Variants in TADA3 observed in about 807,000 individuals in gnomAD.
The protein encoded by TADA3 is transcriptional adaptor 3.
A neutral mutation model predicts 43.2 loss-of-function variants in TADA3; 25 were observed. The observed-to-expected ratio is 0.58, with a 90% CI of 0.42 to 0.81. The LOEUF (loss-of-function observed/expected upper bound fraction) is 0.81. Ranked by LOEUF, TADA3 falls within the 30% of genes least tolerant of loss-of-function variation. The pLI is 0.00. For missense variants in TADA3, 441 were observed against 567.8 expected, an observed-to-expected ratio of 0.78 and a Z score of 2.27; for synonymous variants, 235 against 225.5, an observed-to-expected ratio of 1.04 and a Z score of -0.38.
At chr3:9,786,923 T>A in intron 6 of TADA3, 83 bp downstream of exon 6, 8 of 1,297,732 alleles carry the variant, frequency 6.2e-6, no homozygotes, top group Non-Finnish European at 8.7e-6. Flanking sequence ...CTAATAAATG[T>A]ATGATAAATT....
At position 9,791,470 on chromosome 3, in the gene TADA3, C is replaced by T; in HGVS notation, c.-4G>A. On this transcript the variant is annotated 5_prime_UTR_variant, in exon 2 of 9. Transcript: ENST00000301964. Reference sequence around the variant, plus strand: ...GGCAGTCTTTCAACTCACTCATGGCCCAGGATATGGGGATCCTGTGGAGCT... The same window carrying T: ...GGCAGTCTTTCAACTCACTCATGGCTCAGGATATGGGGATCCTGTGGAGCT... 6.2e-7 allele frequency: 1 copy of T among 1,605,138 alleles called. No homozygotes were observed. The highest frequency in any genetic ancestry group is 8.5e-7 in the Non-Finnish European group (1 of 1,173,928).
upstream of TADA3, chr3:9,792,838 C>A: frequency 7.4e-7 from 1 of 1,358,828 alleles, no homozygotes; most frequent in Non-Finnish European, 9.4e-7. Flanking sequence ...GAGGCTGTGG[C>A]AAAGGTGACA....
chr3:9,781,623 C>A (rs1243354973), intron 8 of TADA3: 3 of 454,986 alleles, frequency 6.6e-6, no homozygotes, highest in East Asian at 7.0e-5. Context: ...CCAGATCAAT[C>A]TCTCTGAACA....
At chr3:9,788,144 A>C (rs1489159542) in intron 4 of TADA3, 1 of 164,432 alleles carries the variant, frequency 6.1e-6, no homozygotes, top group Non-Finnish European at 1.3e-5. Flanking sequence ...TGATCATGAC[A>C]GCTCACCTAT....
At chr3:9,782,419 A>T (rs778463212) in intron 8 of TADA3, among the ~76,000 whole-genome samples, 19 of 152,170 alleles carry the variant, frequency 1.2e-4, no homozygotes, top group Non-Finnish European at 2.6e-4. Context: ...TGTTGTCAAG[A>T]CACTTGAGAG....
intron 7 of TADA3, 95 bp downstream of exon 7, chr3:9,785,221 A>G (rs2078579155): frequency 2.1e-6 from 2 of 932,196 alleles, no homozygotes; most frequent in Non-Finnish European, 1.7e-6. Context: ...AACTGCCCCC[A>G]GCCTCTTACT....
chr3:9,785,091 C>T (rs1390398419), intron 7 of TADA3, among the ~76,000 whole-genome samples: 5 of 152,176 alleles, frequency 3.3e-5, no homozygotes, highest in African/African-American at 1.2e-4. Context: ...TCCCCTTCAG[C>T]AGGACATTTG....
chr3:9,788,801 A>AAGT (rs1307958221), intron 4 of TADA3, among the ~76,000 whole-genome samples: 1 of 151,434 alleles, frequency 6.6e-6, no homozygotes, highest in Non-Finnish European at 1.5e-5. Flanking sequence ...CAGCCTCCCA[A>AAGT]AGTGTTGGGA....
chr3:9,791,473 G>A lies in TADA3; in HGVS notation c.-7C>T, dbSNP rs750745928. The stretch of plus-strand genomic sequence containing the variant: ...AGTCTTTCAACTCACTCATGGCCCA[G>A]GATATGGGGATCCTGTGGAGCTGGA... On this transcript the variant is annotated 5_prime_UTR_variant, in exon 2 of 9. Coordinates refer to ENST00000301964, the MANE Select transcript of TADA3 (RefSeq NM_006354.5). The A allele has an allele frequency of 3.1e-5, 50 of 1,598,972 alleles. No individual in the cohort carries two copies. The East Asian group carries it at 1.1e-3, about 34-fold the overall frequency.
chr3:9,790,272 G>A (rs963547387), intron 2 of TADA3, among the ~76,000 whole-genome samples: 9 of 152,244 alleles, frequency 5.9e-5, no homozygotes, highest in African/African-American at 1.9e-4. Flanking sequence ...CCTTCACTTC[G>A]ATGTCACCAC....
At chr3:9,792,725 G>A, upstream of TADA3, 3 of 1,236,026 alleles carry the variant, frequency 2.4e-6, no homozygotes, top group Non-Finnish European at 3.0e-6. Context: ...GCGAGAGAAA[G>A]GATGGGGGTA....
At position 9,780,403 on chromosome 3, in the gene TADA3, T is replaced by C. The variant is rs2078431188; in HGVS notation, c.1253A>G (p.Lys418Arg). 1 of 1,613,484 alleles carries C rather than the reference T, an allele frequency of 6.2e-7. No individual in the cohort carries two copies. Among genetic ancestry groups the C allele is most frequent in the Non-Finnish European group, 8.5e-7 (1 of 1,180,010 alleles). ...PTKKEKDQAW[K>R]TLKERESILK... ...GATGCTCTCACGCTCCTTCAGAGTC[T>C]TCCAGGCCTGGTCCTTTTCTTTCTT... Residue 418 changes from lysine (K) to arginine (R), a missense_variant, in exon 9 of 9, where the codon AAG becomes AGG. By Grantham distance (26) the Lys-to-Arg change is conservative. Transcript: ENST00000301964.
Position 9,780,230 on chromosome 3 carries a change from C to CGGCCCTCTA in TADA3, c.*118_*126dup, listed in dbSNP as rs2078427666. The CGGCCCTCTA allele has an allele frequency of 1.0e-6, 1 of 997,542 alleles. No homozygotes were observed. Among genetic ancestry groups the CGGCCCTCTA allele is most frequent in the Admixed American group, 2.6e-5 (1 of 37,928 alleles). The allele number at this position is 997,542 out of a possible 1,614,324, so 61.8% of individuals were successfully genotyped here. ...CCAAAAGACCTCAGGGGAAGGGCCA[C>CGGCCCTCTA]GGCCCTCTAGAGACTGCCGCCATTT... On this transcript the variant is annotated 3_prime_UTR_variant, in exon 9 of 9. Transcript: ENST00000301964.
intron 3 of TADA3, 34 bp from the exon 4 acceptor site, chr3:9,789,648 C>A (rs1210519736): frequency 6.2e-7 from 1 of 1,612,010 alleles, no homozygotes; most frequent in Admixed American, 1.7e-5. Flanking sequence ...GTGGGCGCCC[C>A]TGCCCCACCA....
At chr3:9,781,519 C>G in intron 8 of TADA3, 1 of 456,482 alleles carries the variant, frequency 2.2e-6, no homozygotes. Context: ...TCAGGTGTTC[C>G]GGTGCCAGCA....
intron 6 of TADA3, 51 bp from the exon 7 acceptor site, chr3:9,785,476 T>C (rs764740940): frequency 2.4e-6 from 3 of 1,259,152 alleles, no homozygotes; most frequent in South Asian, 2.5e-5. Context: ...TCCACTTTCC[T>C]GCTCCTTTCT....
At chr3:9,786,528 T>C (rs931823217) in intron 6 of TADA3, among the ~76,000 whole-genome samples, 1 of 152,196 alleles carries the variant, frequency 6.6e-6, no homozygotes, top group Non-Finnish European at 1.5e-5. Context: ...AGGGTTTGAA[T>C]CCTGGTGTGT....
rs1415959586 is a variant in TADA3 at position 9,787,433 on chromosome 3, A to G, written c.565-93T>C. 4 of 1,491,188 alleles carry G rather than the reference A, an allele frequency of 2.7e-6. No homozygotes were observed. The African/African-American group carries it at 4.2e-5, about 16-fold the overall frequency. 92.4% of individuals were successfully genotyped at this position (1,491,188 alleles called of 1,614,324 possible). ...CACTTACCTATCTTATATCTCTCTC[A>G]AGTCCCTAGTCCAAGGCCAAGCCCA... On this transcript the variant is annotated intron_variant, in intron 4 of 8. Transcript: ENST00000301964.
chr3:9,782,221 A>G (rs2078493207), intron 8 of TADA3, among the ~76,000 whole-genome samples: 1 of 152,102 alleles, frequency 6.6e-6, no homozygotes, highest in Admixed American at 6.5e-5. Context: ...TGCCTCTTCC[A>G]TCTGTGTTTT....
Sources: allele counts gnomAD v4.1 joint callset (sites outside exome capture counted in the v4.1 genomes callset), GRCh38; gene constraint gnomAD v4.1.1; transcripts MANE v1.5; gene names NCBI Gene and HGNC (gene_info 2026-07-23, HGNC 2026-07-21).